PMM2: variants seen among roughly 807,000 people sequenced by gnomAD.
PMM2 encodes the protein phosphomannomutase 2.
In PMM2, 35 loss-of-function variants were observed where a neutral mutation model predicts 33.2. The observed-to-expected ratio is 1.06, with a 90% CI of 0.81 to 1.40. The LOEUF (loss-of-function observed/expected upper bound fraction) is 1.40. Ranked by LOEUF, PMM2 falls within the 40% of genes most tolerant of loss-of-function variation. The pLI is 0.00. For missense variants in PMM2, 386 were observed against 306.0 expected (o/e 1.26, Z -1.95); for synonymous variants, 153 against 114.7 (o/e 1.33, Z -2.13).
intron 7 of PMM2, among the ~76,000 whole-genome samples, chr16:8,835,932 G>C (rs948944716): frequency 4.6e-5 from 7 of 151,830 alleles, no homozygotes; most frequent in African/African-American, 1.7e-4. Context: ...GGGCGGCAAT[G>C]AGATGTAGCT....
At chr16:8,807,491 T>TG (rs938028393) in intron 4 of PMM2, 1 of 150,276 alleles carries the variant, frequency 6.7e-6, no homozygotes, top group Non-Finnish European at 1.5e-5. Flanking sequence ...CTTTTTGTTT[T>TG]TTGTTTTGTT....
intron 7 of PMM2, among the ~76,000 whole-genome samples, chr16:8,839,212 T>A (rs2060873105): frequency 6.6e-6 from 1 of 151,972 alleles, no homozygotes; most frequent in African/African-American, 2.4e-5. Flanking sequence ...ATTTGCAAAT[T>A]GAATTTTGGG....
At chr16:8,819,612 T>C (rs903568315) in intron 7 of PMM2, among the ~76,000 whole-genome samples, 4 of 151,916 alleles carry the variant, frequency 2.6e-5, no homozygotes, top group Non-Finnish European at 4.4e-5. Flanking sequence ...GGAGGATTAC[T>C]TGAGCCTAGG....
chr16:8,812,106 C>T (rs2060681037), intron 6 of PMM2, among the ~76,000 whole-genome samples: 1 of 152,122 alleles, frequency 6.6e-6, no homozygotes, highest in African/African-American at 2.4e-5. Context: ...TAAACTAGAC[C>T]GATGTTTTGG....
At chr16:8,811,284 G>C (rs2060676432) in intron 5 of PMM2, 106 bp downstream of exon 5, 1 of 795,348 alleles carries the variant, frequency 1.3e-6, no homozygotes. Context: ...GGGAGGCCAA[G>C]GCAGGAGGAT....
intron 6 of PMM2, among the ~76,000 whole-genome samples, chr16:8,812,542 G>A (rs938946550): frequency 6.6e-6 from 1 of 152,166 alleles, no homozygotes; most frequent in Non-Finnish European, 1.5e-5. Flanking sequence ...TTTGTTGCCC[G>A]TGAGCACTGC....
intron 7 of PMM2, among the ~76,000 whole-genome samples, chr16:8,844,808 G>T (rs1486753552): frequency 1.3e-5 from 2 of 152,232 alleles, no homozygotes; most frequent in African/African-American, 4.8e-5. Context: ...TTGAAGTGTG[G>T]CGCCTAGATT....
At chr16:8,847,251 C>T (rs1330679250) in intron 7 of PMM2, among the ~76,000 whole-genome samples, 1 of 152,120 alleles carries the variant, frequency 6.6e-6, no homozygotes, top group Non-Finnish European at 1.5e-5. Context: ...GACACATGGC[C>T]AGTGGCTGCC....
intron 7 of PMM2, among the ~76,000 whole-genome samples, chr16:8,820,368 T>TTTTTTTTTTTTTTTTTA: frequency 6.8e-6 from 1 of 146,554 alleles, no homozygotes; most frequent in African/African-American, 2.5e-5. Context: ...TTTTTTTTTT[T>TTTTTTTTTTTTTTTTTA]CCTGAGACAA....
Position 8,801,808 on chromosome 16 carries a change from A to G in PMM2, c.76A>G (p.Lys26Glu), listed in dbSNP as rs1403917706. ...CTTTCTTGAAATTTAGAAAATTACC[A>G]AAGAAATGGATGACTTCCTACAAAA... The part of the protein sequence containing the change: ...TLTAPRQKIT[K>E]EMDDFLQKLR... The change falls in exon 2 of 8, where the codon AAA becomes GAA. Residue 26 changes from lysine (K) to glutamate (E), a missense_variant. By Grantham distance (56) the Lys-to-Glu change is moderately conservative. Transcript: ENST00000268261. The G allele has an allele frequency of 1.5e-5, 24 of 1,605,194 alleles. No individual in the cohort carries two copies. Among genetic ancestry groups the G allele is most frequent in the Non-Finnish European group, 2.0e-5 (23 of 1,173,728 alleles).
chr16:8,803,819 G>T (rs1409547361), intron 2 of PMM2, among the ~76,000 whole-genome samples: 2 of 151,494 alleles, frequency 1.3e-5, no homozygotes, highest in African/African-American at 4.9e-5. Context: ...AAGTAGCTGG[G>T]ACTACAGGCG....
intron 1 of PMM2, among the ~76,000 whole-genome samples, chr16:8,799,767 C>G (rs374641435): frequency 1.2e-4 from 18 of 152,154 alleles, no homozygotes; most frequent in African/African-American, 3.4e-4. Flanking sequence ...AGGATGGTCT[C>G]TATCTCTGGA....
At chr16:8,832,187 T>TC in intron 7 of PMM2, 1 of 985,346 alleles carries the variant, frequency 1.0e-6, no homozygotes, top group Non-Finnish European at 1.2e-6. Flanking sequence ...CCCACCATGC[T>TC]CTGAGAGTCA....
At chr16:8,841,279 A>G (rs1377099021) in intron 7 of PMM2, among the ~76,000 whole-genome samples, 1 of 151,210 alleles carries the variant, frequency 6.6e-6, no homozygotes, top group Non-Finnish European at 1.5e-5. Context: ...TAGAGGTGGG[A>G]AGGCTAAACT....
At chr16:8,812,585 T>C (rs1461323551) in intron 6 of PMM2, among the ~76,000 whole-genome samples, 2 of 152,252 alleles carry the variant, frequency 1.3e-5, no homozygotes, top group Non-Finnish European at 2.9e-5. Context: ...ATTCTCATTT[T>C]TCCCGCAAAA....
chr16:8,829,641 T>C (rs2060798604), intron 7 of PMM2, among the ~76,000 whole-genome samples: 1 of 152,012 alleles, frequency 6.6e-6, no homozygotes, highest in Non-Finnish European at 1.5e-5. Context: ...AGGGACGCCT[T>C]CCACCGGGAA....
intron 7 of PMM2, among the ~76,000 whole-genome samples, chr16:8,826,391 C>G (rs1242591829): frequency 6.6e-6 from 1 of 152,126 alleles, no homozygotes; most frequent in Non-Finnish European, 1.5e-5. Context: ...TAAAGTCTGA[C>G]TCTCTCTGGC....
intron 7 of PMM2, among the ~76,000 whole-genome samples, chr16:8,844,614 C>T (rs1328577417): frequency 1.3e-5 from 2 of 152,206 alleles, no homozygotes; most frequent in African/African-American, 4.8e-5. Context: ...GCAGGTGTCC[C>T]TGCGTGGTCT....
chr16:8,830,832 T>G (rs1338096107), intron 7 of PMM2, among the ~76,000 whole-genome samples: 1 of 152,260 alleles, frequency 6.6e-6, no homozygotes, highest in Non-Finnish European at 1.5e-5. Flanking sequence ...AGAGCTGTTA[T>G]CCTTTGTTTC....
Sources: gnomAD v4.1 joint callset for allele counts (sites outside exome capture counted in the v4.1 genomes callset) on GRCh38, gnomAD v4.1.1 for gene constraint, MANE v1.5 for transcripts, NCBI Gene and HGNC (gene_info 2026-07-23, HGNC 2026-07-21) for gene names.